Variants in TBX22 observed in about 807,000 individuals in gnomAD.
TBX22 encodes the protein T-box transcription factor 22.
Under a neutral mutation model 30.1 loss-of-function variants are expected in TBX22, and 8 were observed. The ratio of observed to expected loss-of-function variants is 0.27; its 90% CI spans 0.16 to 0.48. The LOEUF is 0.48. TBX22 is among the 20% of genes least tolerant of loss of function. TBX22 has a pLI of 0.99. For missense variants in TBX22, 463 were observed against 400.5 expected, an observed-to-expected ratio of 1.16 and a Z score of -1.33; for synonymous variants, 173 against 149.1, an observed-to-expected ratio of 1.16 and a Z score of -1.17.
chrX:80,018,006 C>T (rs1923527464), intron 1 of TBX22, among the ~76,000 whole-genome samples: 1 of 112,073 alleles, frequency 8.9e-6, no homozygotes, highest in Non-Finnish European at 1.9e-5. Flanking sequence ...ACAGCGAACA[C>T]AGATAAGAAT....
At chrX:80,022,139 GT>G in intron 1 of TBX22, 128 bp from the exon 2 acceptor site, 1 of 627,637 alleles carries the variant, frequency 1.6e-6, no homozygotes, top group Non-Finnish European at 2.5e-6. Context: ...GTTTTGTTTT[GT>G]TTTGTTTTGT....
At chrX:80,024,542 AGG>A (rs1923880305) in intron 4 of TBX22, among the ~76,000 whole-genome samples, 1 of 110,966 alleles carries the variant, frequency 9.0e-6, no homozygotes, top group African/African-American at 3.3e-5. Context: ...AGAAATCCCC[AGG>A]CTCTATGGGA....
At chrX:80,023,342 C>A in intron 3 of TBX22, 102 bp downstream of exon 3, 2 of 833,571 alleles carry the variant, frequency 2.4e-6, no homozygotes, top group Non-Finnish European at 1.8e-6. Context: ...TCTGGTACTC[C>A]TCTGTCCCTT....
At chrX:80,021,370 T>C (rs760699122) in intron 1 of TBX22, among the ~76,000 whole-genome samples, 198 of 111,659 alleles carry the variant, frequency 1.8e-3, no homozygotes, top group African/African-American at 6.3e-3. Context: ...GACTCCTGCC[T>C]GCCCTCACCT....
intron 1 of TBX22, 93 bp from the exon 2 acceptor site, chrX:80,022,175 C>T (rs899482000): frequency 1.5e-5 from 13 of 884,739 alleles, no homozygotes; most frequent in Non-Finnish European, 2.0e-5. Flanking sequence ...CTCCTTCCTT[C>T]ACCCTCTGTG....
chrX:80,023,979 T>C lies in TBX22; in HGVS notation c.357-84T>C. On this transcript the variant is annotated intron_variant, in intron 3 of 8. Coordinates refer to ENST00000373296, the MANE Select transcript of TBX22 (RefSeq NM_001109878.2). ...TATTGTGAGTCCCTTCACTTTTTAC[T>C]GGAGTCAGCATTTGTCCAGAAACAC... 13 of 898,383 alleles carry C rather than the reference T, an allele frequency of 1.4e-5. No individual in the cohort carries two copies. The Admixed American group carries it at 2.9e-4, about 20-fold the overall frequency. 74.0% of individuals were successfully genotyped at this position (898,383 alleles called of 1,213,427 possible). A position where few individuals can be genotyped will look rare whatever the true frequency, so the allele number is the denominator to read the frequency against.
chrX:80,030,442 T>C, intron 8 of TBX22, 56 bp from the exon 9 acceptor site: 4 of 1,185,973 alleles, frequency 3.4e-6, no homozygotes, highest in East Asian at 3.0e-5. Flanking sequence ...ATTACTAATA[T>C]TGCAGGAACA....
rs142131814 is a variant in TBX22 at position 80,020,919 on chromosome X, A to G, written c.-2-1349A>G. Among the ~76,000 whole-genome samples the G allele has an allele frequency of 7.8e-3, 870 of 112,151 alleles. 4 individuals are homozygous for G. Among genetic ancestry groups the G allele is most frequent in the Non-Finnish European group, 0.013 (687 of 53,250 alleles). ...TTTCTGGAAAAATGCAAATGCTATT[A>G]GTTAAGATGCAACCTGCAAAAGAAT... On this transcript the variant is annotated intron_variant, in intron 1 of 8. Coordinates refer to ENST00000373296, the MANE Select transcript of TBX22 (RefSeq NM_001109878.2).
rs377496944 is a variant in TBX22, at chrX:80,031,046, G to A, written c.1498G>A (p.Val500Ile). ...TCTTAAAGTGAATGACGACAGTCAA[G>A]TTTCTTTTGGAGAAGGCAAATGTAA... ...NHLKVNDDSQ[V>I]SFGEGKCNHV... The change falls in exon 9 of 9, where the codon GTT becomes ATT. Residue 500 changes from valine (V) to isoleucine (I), a missense_variant. Val to Ile is a conservative substitution (Grantham distance 29, BLOSUM62 3). Transcript: ENST00000373296. 87 of 1,209,607 alleles carry A rather than the reference G, an allele frequency of 7.2e-5. No individual in the cohort carries two copies. Among genetic ancestry groups the A allele is most frequent in the Non-Finnish European group, 9.4e-5 (84 of 894,491 alleles).
intron 1 of TBX22, among the ~76,000 whole-genome samples, chrX:80,015,435 C>T (rs1369669128): frequency 8.9e-6 from 1 of 112,482 alleles, no homozygotes; most frequent in South Asian, 3.7e-4. Flanking sequence ...CCAAGGAGCT[C>T]TAGATCCACA....
rs767506250 is a variant in TBX22 at position 80,023,208 on chromosome X, C to T, written c.324C>T (p.Ile108=). The change falls in exon 3 of 9, where the codon ATC becomes ATT. Residue 108 remains isoleucine (I), a synonymous_variant. Transcript: ENST00000373296. ...AACTGTGGAAAAGATTCCATGACAT[C>T]GGGACTGAGATGATCATTACTAAAG... ...GSELWKRFHD[I]GTEMIITKAG... is the part of the protein sequence containing the mutation. The T allele has an allele frequency of 5.0e-6, 6 of 1,211,530 alleles. No individual in the cohort carries two copies. The highest frequency in any genetic ancestry group is 5.6e-6 in the Non-Finnish European group (5 of 895,397).
intron 4 of TBX22, 148 bp from the exon 5 acceptor site, chrX:80,025,455 C>T (rs1419883318): frequency 3.8e-6 from 2 of 520,345 alleles, no homozygotes; most frequent in African/African-American, 2.3e-5. Context: ...TTTTTTGCCC[C>T]GAATGCTTGT....
intron 1 of TBX22, among the ~76,000 whole-genome samples, chrX:80,020,289 T>TAGATAGATAGATAGATAGATAGA (rs1555991386): frequency 4.8e-5 from 5 of 104,627 alleles, no homozygotes; most frequent in African/African-American, 1.8e-4. Context: ...TAGAGATAGA[T>TAGATAGATAGATAGATAGATAGA]TAGATAGATA....
chrX:80,022,218 C>A, intron 1 of TBX22, 50 bp from the exon 2 acceptor site: 1 of 1,177,280 alleles, frequency 8.5e-7, no homozygotes, highest in Non-Finnish European at 1.2e-6. Context: ...CCCTCCCTAA[C>A]CCAGTTCAGG....
chrX:80,030,525 C>T lies in TBX22; in HGVS notation c.977C>T (p.Thr326Ile). 3.3e-6 allele frequency: 4 copies of T among 1,210,762 alleles called. No individual in the cohort carries two copies. The highest frequency in any genetic ancestry group is 1.8e-5 in the South Asian group (1 of 56,960). ...QSGSSGSSPV[T>I]SSGGAPSPLN... ...GGAAGCAGTGGCTCATCTCCAGTGACCTCTAGTGGAGGGGCCCCCTCTCCT... is the reference window on the plus strand; with the variant it reads ...GGAAGCAGTGGCTCATCTCCAGTGATCTCTAGTGGAGGGGCCCCCTCTCCT... Residue 326 changes from threonine to isoleucine, a missense_variant, in exon 9 of 9, where the codon ACC becomes ATC. Transcript: ENST00000373296.
At chrX:80,030,346 C>A in intron 8 of TBX22, 152 bp from the exon 9 acceptor site, 1 of 671,703 alleles carries the variant, frequency 1.5e-6, no homozygotes, top group Non-Finnish European at 2.3e-6. Flanking sequence ...GAGGAATGAG[C>A]AGGTCCTGTC....
chrX:80,031,366 T>C lies in TBX22; in HGVS notation c.*255T>C. On this transcript the variant is annotated 3_prime_UTR_variant, in exon 9 of 9. Transcript: ENST00000373296. ...AAATGAGATATGCAATAAATATTAT[T>C]TGATGATACTCCACCAGTGAAAATT... is the stretch of plus-strand genomic sequence containing the variant. The C allele has an allele frequency of 8.6e-6, 3 of 350,233 alleles. No homozygotes were observed. Among genetic ancestry groups the C allele is most frequent in the Non-Finnish European group, 9.9e-6 (2 of 202,262 alleles). 28.9% of individuals were successfully genotyped at this position (350,233 alleles called of 1,213,427 possible).
chrX:80,026,271 AC>A (rs1923969066), intron 5 of TBX22, among the ~76,000 whole-genome samples: 1 of 111,645 alleles, frequency 9.0e-6, no homozygotes, highest in Non-Finnish European at 1.9e-5. Flanking sequence ...CACTAGGTGC[AC>A]CCCAGCTTCT....
Position 80,023,071 on chromosome X carries a change from A to C in TBX22, c.187A>C (p.Lys63Gln). Residue 63 changes from lysine to glutamine, a missense_variant, in exon 3 of 9, where the codon AAG (lysine) becomes CAG (glutamine). Lys to Gln is a moderately conservative substitution (Grantham distance 53). Coordinates refer to ENST00000373296, the MANE Select transcript of TBX22 (RefSeq NM_001109878.2). ...TCTGTGTCCAGCAGAAAAACAACCTAAGACAGAGCCCTCAACATCTGCTTC... is the reference window on the plus strand; with the variant it reads ...TCTGTGTCCAGCAGAAAAACAACCTCAGACAGAGCCCTCAACATCTGCTTC... ...GKSEPLEKQP[K>Q]TEPSTSASSG... 8.3e-7 allele frequency: 1 copy of C among 1,211,380 alleles called. No homozygotes were observed. Among genetic ancestry groups the C allele is most frequent in the African/African-American group, 1.7e-5 (1 of 57,742 alleles).
Sources: gnomAD v4.1 joint callset for allele counts (sites outside exome capture counted in the v4.1 genomes callset) on GRCh38, gnomAD v4.1.1 for gene constraint, MANE v1.5 for transcripts, NCBI Gene and HGNC (gene_info 2026-07-23, HGNC 2026-07-21) for gene names.